KCNIP4: variants seen among roughly 807,000 people sequenced by gnomAD.
KCNIP4 encodes the protein potassium voltage-gated channel interacting protein 4, also known as Kv channel-interacting protein 4.
Under a neutral mutation model 34.0 loss-of-function variants are expected in KCNIP4, and 12 were observed. The ratio of observed to expected loss-of-function variants is 0.35; its 90% CI spans 0.23 to 0.57. KCNIP4 has a LOEUF of 0.57. Among genes scored for constraint, KCNIP4 ranks in the 20% least tolerant of loss-of-function variants. KCNIP4 has a pLI of 0.83. For missense variants in KCNIP4, 238 were observed against 311.7 expected, an observed-to-expected ratio of 0.76 and a Z score of 1.78; for synonymous variants, 124 against 102.2, an observed-to-expected ratio of 1.21 and a Z score of -1.29.
intron 1 of KCNIP4, among the ~76,000 whole-genome samples, chr4:21,643,914 A>AGATAGATG (rs1012335645): frequency 7.1e-6 from 1 of 140,190 alleles, no homozygotes; most frequent in Non-Finnish European, 1.5e-5. Flanking sequence ...ATAGATAGAT[A>AGATAGATG]GACTGGCAGA....
Position 21,539,997 on chromosome 4 carries a change from G to C in KCNIP4, c.61+408574C>G, listed in dbSNP as rs1476104671. 3.9e-5 allele frequency among the ~76,000 whole-genome samples: 3 copies of C among 76,256 alleles called. No homozygotes were observed. The Admixed American group carries it at 4.5e-4, about 11-fold the overall frequency. The allele number at this position is 76,256 out of a possible 152,430, so 50.0% of individuals were successfully genotyped here. Reference sequence around the variant, plus strand: ...CTTCTCAAAAACAAACAAACAAACAGACAAAAAAAAAAAAAAAGAATTATT... The same window carrying C: ...CTTCTCAAAAACAAACAAACAAACACACAAAAAAAAAAAAAAAGAATTATT... On this transcript the variant is annotated intron_variant, in intron 1 of 8. Coordinates refer to ENST00000382152, the MANE Select transcript of KCNIP4 (RefSeq NM_025221.6).
chr4:21,818,462 C>A (rs1007362234), intron 1 of KCNIP4, among the ~76,000 whole-genome samples: 1 of 152,188 alleles, frequency 6.6e-6, no homozygotes, highest in Non-Finnish European at 1.5e-5. Context: ...TAATTGAAAA[C>A]CCCTGATACA....
intron 1 of KCNIP4, among the ~76,000 whole-genome samples, chr4:21,069,598 G>A (rs1433752327): frequency 6.6e-6 from 1 of 152,096 alleles, no homozygotes; most frequent in East Asian, 1.9e-4. Flanking sequence ...AGTGGGAGAG[G>A]ACATAGGTTA....
At chr4:21,630,119 C>A (rs961610485) in intron 1 of KCNIP4, among the ~76,000 whole-genome samples, 3 of 151,320 alleles carry the variant, frequency 2.0e-5, no homozygotes, top group East Asian at 2.0e-4. Context: ...CCACCTTGGC[C>A]TCCCAAAATA....
At chr4:21,193,790 C>G (rs569562523) in intron 1 of KCNIP4, among the ~76,000 whole-genome samples, 1 of 152,160 alleles carries the variant, frequency 6.6e-6, no homozygotes, top group African/African-American at 2.4e-5. Context: ...CCAGGATGGT[C>G]TCGATCTCCT....
chr4:21,697,741 G>C, intron 1 of KCNIP4: 1 of 1,052,248 alleles, frequency 9.5e-7, no homozygotes, highest in Non-Finnish European at 1.2e-6. Context: ...ACCCAGCTCT[G>C]GTTCGGCTCG....
chr4:21,177,501 A>G (rs1754499545), intron 1 of KCNIP4, among the ~76,000 whole-genome samples: 1 of 152,178 alleles, frequency 6.6e-6, no homozygotes, highest in Non-Finnish European at 1.5e-5. Context: ...ATGCGTAAGT[A>G]AATATTTAAT....
intron 4 of KCNIP4, among the ~76,000 whole-genome samples, chr4:20,755,843 T>G (rs1421907446): frequency 6.6e-6 from 1 of 151,954 alleles, no homozygotes; most frequent in Non-Finnish European, 1.5e-5. Context: ...GCATCATGGC[T>G]GGTGTGCTGG....
At chr4:21,433,761 C>G (rs1726708369) in intron 1 of KCNIP4, among the ~76,000 whole-genome samples, 1 of 152,158 alleles carries the variant, frequency 6.6e-6, no homozygotes, top group Non-Finnish European at 1.5e-5. Flanking sequence ...CCTTCCTAAT[C>G]TGAATCTCTT....
At chr4:21,240,228 G>A (rs1389701644) in intron 1 of KCNIP4, among the ~76,000 whole-genome samples, 2 of 105,884 alleles carry the variant, frequency 1.9e-5, no homozygotes, top group African/African-American at 3.7e-5. Flanking sequence ...CTGTTGTGGG[G>A]TGGGGGGAGG....
intron 1 of KCNIP4, among the ~76,000 whole-genome samples, chr4:21,795,322 T>G (rs1371968548): frequency 6.6e-6 from 1 of 152,176 alleles, no homozygotes; most frequent in Non-Finnish European, 1.5e-5. Flanking sequence ...CGCCTTGATC[T>G]TGGACTTCCA....
chr4:21,475,473 G>C (rs358591), intron 1 of KCNIP4, among the ~76,000 whole-genome samples: 3 of 152,016 alleles, frequency 2.0e-5, no homozygotes, highest in African/African-American at 7.3e-5. Context: ...TCCACTCACC[G>C]ACTTTTCCAA....
At chr4:20,995,290 C>T (rs961247018) in intron 1 of KCNIP4, among the ~76,000 whole-genome samples, 4 of 151,994 alleles carry the variant, frequency 2.6e-5, no homozygotes, top group East Asian at 1.9e-4. Context: ...TTTATATCAG[C>T]GACTTATAAA....
At chr4:21,487,326 C>T (rs1218957129) in intron 1 of KCNIP4, among the ~76,000 whole-genome samples, 3 of 152,042 alleles carry the variant, frequency 2.0e-5, no homozygotes, top group Admixed American at 2.0e-4. Context: ...ATATTTTTCT[C>T]ATGATTAGAA....
chr4:20,969,268 C>T (rs1207681428), intron 1 of KCNIP4, among the ~76,000 whole-genome samples: 2 of 152,118 alleles, frequency 1.3e-5, no homozygotes, highest in Admixed American at 1.3e-4. Flanking sequence ...AACAGGAAAA[C>T]TAGTTTCAAG....
intron 1 of KCNIP4, among the ~76,000 whole-genome samples, chr4:21,223,095 T>C (rs1236322664): frequency 6.6e-6 from 1 of 152,188 alleles, no homozygotes; most frequent in Non-Finnish European, 1.5e-5. Context: ...AAGTTAACTA[T>C]CTCAAGATGA....
intron 1 of KCNIP4, among the ~76,000 whole-genome samples, chr4:21,791,316 C>T (rs1326562109): frequency 6.6e-6 from 1 of 152,120 alleles, no homozygotes; most frequent in African/African-American, 2.4e-5. Context: ...ATCTGAGTCA[C>T]CTCCCAAAGG....
At chr4:21,220,680 C>A (rs1333572059) in intron 1 of KCNIP4, among the ~76,000 whole-genome samples, 1 of 152,040 alleles carries the variant, frequency 6.6e-6, no homozygotes, top group Non-Finnish European at 1.5e-5. Context: ...CCCAGAGGTT[C>A]TCAGTCTGAA....
rs1429595307 is a variant in KCNIP4 at position 21,697,708 on chromosome 4, G to A, written c.61+250863C>T. The A allele has an allele frequency of 1.7e-5, 21 of 1,221,802 alleles. No homozygotes were observed. In the East Asian group the frequency reaches 8.5e-4, roughly 50 times the overall value. The allele number at this position is 1,221,802 out of a possible 1,614,324, so 75.7% of individuals were successfully genotyped here. A position where few individuals can be genotyped will look rare whatever the true frequency, so the allele number is the denominator to read the frequency against. On this transcript the variant is annotated intron_variant, in intron 1 of 8. Transcript: ENST00000382152. The stretch of plus-strand genomic sequence containing the variant: ...CAAGTTCTTCTGTGGCAACAGACAG[G>A]CTGCCGGTTCACACTTGTAGTAACC...
Sources: allele counts gnomAD v4.1 joint callset (sites outside exome capture counted in the v4.1 genomes callset), GRCh38; gene constraint gnomAD v4.1.1; transcripts MANE v1.5; gene names NCBI Gene and HGNC (gene_info 2026-07-23, HGNC 2026-07-21).